The following CDH12 variants were observed in gnomAD, a reference collection of about 807,000 sequenced individuals.
CDH12 encodes cadherin-12.
In CDH12, 41 loss-of-function variants were observed where a neutral mutation model predicts 74.1. The ratio of observed to expected loss-of-function variants is 0.55; its 90% CI spans 0.43 to 0.72. The LOEUF (loss-of-function observed/expected upper bound fraction) is 0.72. Among genes scored for constraint, CDH12 ranks in the 30% least tolerant of loss-of-function variants. The pLI is 0.00. For missense variants in CDH12, 945 were observed against 977.2 expected, an observed-to-expected ratio of 0.97 and a Z score of 0.44; for synonymous variants, 399 against 355.0, an observed-to-expected ratio of 1.12 and a Z score of -1.39.
chr5:22,199,791 C>T (rs2150353527), intron 4 of CDH12, among the ~76,000 whole-genome samples: 1 of 152,282 alleles, frequency 6.6e-6, no homozygotes, highest in Admixed American at 6.5e-5. Flanking sequence ...TTTTTCTTTG[C>T]ATTCTTTTTC....
intron 6 of CDH12, among the ~76,000 whole-genome samples, chr5:21,934,867 A>G (rs1755004907): frequency 1.3e-5 from 2 of 151,832 alleles, no homozygotes; most frequent in Non-Finnish European, 2.9e-5. Flanking sequence ...GCTCATTGCA[A>G]GCTCCGCCTC....
chr5:22,302,365 AG>A (rs1737922138), intron 3 of CDH12, among the ~76,000 whole-genome samples: 6 of 152,194 alleles, frequency 3.9e-5, no homozygotes, highest in Admixed American at 2.6e-4. Context: ...TGTATATATA[AG>A]TGTGATAAAA....
intron 3 of CDH12, among the ~76,000 whole-genome samples, chr5:22,225,327 G>A (rs995943257): frequency 2.0e-5 from 3 of 152,038 alleles, no homozygotes; most frequent in Non-Finnish European, 2.9e-5. Flanking sequence ...AAAATGTTTT[G>A]TATTCAGATA....
At chr5:22,227,255 C>A in intron 3 of CDH12, among the ~76,000 whole-genome samples, 1 of 151,912 alleles carries the variant, frequency 6.6e-6, no homozygotes, top group Non-Finnish European at 1.5e-5. Context: ...GGTAAGTGTT[C>A]TACCATAATG....
intron 1 of CDH12, among the ~76,000 whole-genome samples, chr5:22,797,322 G>A (rs1266282731): frequency 6.6e-6 from 1 of 152,032 alleles, no homozygotes; most frequent in Non-Finnish European, 1.5e-5. Flanking sequence ...ACCTTGGACT[G>A]CTCAGCCTCC....
rs1025110233 is a variant in CDH12 at position 22,628,538 on chromosome 5, C to A, written c.-522-123174G>T. On this transcript the variant is annotated intron_variant, in intron 1 of 14. Coordinates refer to ENST00000382254, the MANE Select transcript of CDH12 (RefSeq NM_004061.5). The stretch of plus-strand genomic sequence containing the variant: ...AAATTAAGCCAGTAATGAATAAGTT[C>A]TTTGAAACTAATGACAACAAAGACA... Among the ~76,000 whole-genome samples, 5 of 152,124 alleles carry A rather than the reference C, an allele frequency of 3.3e-5. No individual in the cohort carries two copies. The East Asian group carries it at 7.7e-4, about 23-fold the overall frequency.
intron 1 of CDH12, among the ~76,000 whole-genome samples, chr5:22,666,737 T>A (rs554773051): frequency 6.6e-6 from 1 of 152,356 alleles, no homozygotes; most frequent in Non-Finnish European, 1.5e-5. Flanking sequence ...GACATTTTTA[T>A]GACATTGTGT....
At chr5:22,375,559 A>G (rs1580580974) in intron 3 of CDH12, among the ~76,000 whole-genome samples, 1 of 152,316 alleles carries the variant, frequency 6.6e-6, no homozygotes, top group South Asian at 2.1e-4. Flanking sequence ...ACAAAGGACT[A>G]ATATCCAGAA....
At chr5:22,354,325 C>A (rs757741031) in intron 3 of CDH12, among the ~76,000 whole-genome samples, 15 of 152,298 alleles carry the variant, frequency 9.8e-5, no homozygotes, top group Middle Eastern at 3.4e-3. Context: ...TGTCCCCTGA[C>A]AAAACCACCC....
chr5:22,410,887 G>A (rs1743144214), intron 2 of CDH12, among the ~76,000 whole-genome samples: 1 of 152,024 alleles, frequency 6.6e-6, no homozygotes, highest in South Asian at 2.1e-4. Context: ...TGAAGGCTGG[G>A]GGAAGGAGTG....
At chr5:21,858,327 T>C (rs1750860040) in intron 6 of CDH12, among the ~76,000 whole-genome samples, 2 of 151,924 alleles carry the variant, frequency 1.3e-5, no homozygotes, top group South Asian at 4.1e-4. Flanking sequence ...CAAACATTCA[T>C]ATCATAATAA....
At chr5:22,144,968 A>G (rs1449599586) in intron 4 of CDH12, among the ~76,000 whole-genome samples, 1 of 152,082 alleles carries the variant, frequency 6.6e-6, no homozygotes, top group Non-Finnish European at 1.5e-5. Flanking sequence ...GCCCAGATGG[A>G]GGAACTTGAT....
At chr5:22,563,578 T>G (rs1739162995) in intron 1 of CDH12, among the ~76,000 whole-genome samples, 3 of 152,194 alleles carry the variant, frequency 2.0e-5, no homozygotes, top group Non-Finnish European at 4.4e-5. Context: ...TAATCTAAAA[T>G]TTACCACTCT....
At chr5:22,063,842 G>C (rs913149215) in intron 5 of CDH12, among the ~76,000 whole-genome samples, 1 of 152,016 alleles carries the variant, frequency 6.6e-6, no homozygotes, top group Admixed American at 6.6e-5. Flanking sequence ...TTCTGCCAGC[G>C]TACTGCCTTT....
At position 22,639,050 on chromosome 5, in the gene CDH12, C is replaced by CAAAAAAAAAAAA. The variant is rs545549665; in HGVS notation, c.-522-133698_-522-133687dup. 15 of 64,266 alleles carry CAAAAAAAAAAAA rather than the reference C, an allele frequency of 2.3e-4. 1 individual carries two copies. The highest frequency in any genetic ancestry group is 6.0e-4 in the African/African-American group (11 of 18,468). 4.0% of individuals were successfully genotyped at this position (64,266 alleles called of 1,614,324 possible). A position where few individuals can be genotyped will look rare whatever the true frequency, so the allele number is the denominator to read the frequency against. On this transcript the variant is annotated intron_variant, in intron 1 of 14. Transcript: ENST00000382254. ...TGGGCGTCAGAGTGAGAGTCCGCCT[C>CAAAAAAAAAAAA]AAAAAAAAAAAAAAAAAAAAAAAAA...
At chr5:21,811,096 C>T (rs1161833005) in intron 9 of CDH12, among the ~76,000 whole-genome samples, 1 of 151,992 alleles carries the variant, frequency 6.6e-6, no homozygotes, top group Non-Finnish European at 1.5e-5. Flanking sequence ...AAGAAAAATT[C>T]TGCTTTGGAT....
rs528429822 is a variant in CDH12 at position 22,708,905 on chromosome 5, A to T, written c.-523+144153T>A. On this transcript the variant is annotated intron_variant, in intron 1 of 14. Transcript: ENST00000382254. The stretch of plus-strand genomic sequence containing the variant: ...AGCGGGAAGTTAGATGCCACCGGCC[A>T]CTGAAAGCGCCGCCACCCTGTGGTC... Among the ~76,000 whole-genome samples, 17 of 152,298 alleles carry T rather than the reference A, an allele frequency of 1.1e-4. No homozygotes were observed. The South Asian group carries it at 3.5e-3, about 32-fold the overall frequency.
chr5:21,882,623 C>A, intron 6 of CDH12: 1 of 1,604,972 alleles, frequency 6.2e-7, no homozygotes, highest in Non-Finnish European at 8.5e-7. Context: ...CCAGATGAGA[C>A]CAGTGTCCAG....
intron 3 of CDH12, among the ~76,000 whole-genome samples, chr5:22,313,524 G>A (rs182136069): frequency 1.3e-5 from 2 of 152,210 alleles, no homozygotes; most frequent in African/African-American, 4.8e-5. Flanking sequence ...CTCATTTCTT[G>A]TGAAAGCTCT....
Sources: allele counts gnomAD v4.1 joint callset (sites outside exome capture counted in the v4.1 genomes callset), GRCh38; gene constraint gnomAD v4.1.1; transcripts MANE v1.5; gene names NCBI Gene and HGNC (gene_info 2026-07-23, HGNC 2026-07-21).